The following DNAH14 variants were observed in gnomAD, a reference collection of about 807,000 sequenced individuals.
DNAH14 encodes axonemal beta dynein heavy chain 14.
A neutral mutation model predicts 520.9 loss-of-function variants in DNAH14; 478 were observed. That is an observed-to-expected ratio of 0.92 (90% CI 0.85 to 0.99). The LOEUF is 0.99. Ranked by LOEUF, DNAH14 falls within the 50% of genes least tolerant of loss-of-function variation. The probability of loss-of-function intolerance (pLI) is 0.00; values close to 1 mark genes in which losing one functional copy is unlikely to be tolerated. For synonymous variants in DNAH14, 1,581 were observed against 1,757.2 expected, an observed-to-expected ratio of 0.90 and a Z score of 2.51; for missense variants, 4,831 against 5,234.5, an observed-to-expected ratio of 0.92 and a Z score of 2.38.
At chr1:225,078,804 CTCTCTCTCTCTCTCTCTCT>C (rs756436464) in intron 17 of DNAH14, among the ~76,000 whole-genome samples, 11,740 of 57,628 alleles carry the variant, frequency 0.2, 1,875 homozygotes, top group South Asian at 0.31. Context: ...CTCTCTCTCT[CTCTCTCTCTCTCTCTCTCT>C]CCCTCTCTCT....
intron 47 of DNAH14, 55 bp downstream of exon 47, chr1:225,264,316 A>G (rs898399118): frequency 3.1e-6 from 4 of 1,296,290 alleles, no homozygotes; most frequent in Non-Finnish European, 3.2e-6. Flanking sequence ...CTTCACAACC[A>G]TGTGTATATT....
At chr1:225,310,384 C>T (rs12405955) in intron 60 of DNAH14, among the ~76,000 whole-genome samples, 5,337 of 152,218 alleles carry the variant, frequency 0.035, 132 homozygotes, top group Non-Finnish European at 0.05. Context: ...ATTTTTAAAG[C>T]TGACAATTAT....
chr1:225,230,871 A>C (rs2091040106), intron 41 of DNAH14, among the ~76,000 whole-genome samples: 1 of 152,194 alleles, frequency 6.6e-6, no homozygotes. Context: ...AATAAAAATC[A>C]GTTCTGACAA....
Position 225,079,207 on chromosome 1 carries a change from G to C in DNAH14, c.2425G>C (p.Val809Leu). 1 of 1,537,536 alleles carries C rather than the reference G, an allele frequency of 6.5e-7. No homozygotes were observed. The highest frequency in any genetic ancestry group is 8.7e-7 in the Non-Finnish European group (1 of 1,143,420). The stretch of plus-strand genomic sequence containing the variant: ...ATTATAATTGACATGTTGATTTCAG[G>C]TTGTGGAATCATCATTGCAGCAGCT... ...IEKKNKNLLEVVESSLQQLEC... is the reference protein window; with the variant it reads ...IEKKNKNLLELVESSLQQLEC... The change falls in exon 18 of 86, where the codon GTT (valine) becomes CTT (leucine). Residue 809 changes from valine to leucine, a missense_variant and splice_region_variant. Physicochemically the swap from Val to Leu is conservative, Grantham distance 32. Coordinates refer to ENST00000682510, the MANE Select transcript of DNAH14 (RefSeq NM_001367479.1).
chr1:224,956,547 A>G (rs1215572399), intron 3 of DNAH14, among the ~76,000 whole-genome samples: 1 of 152,038 alleles, frequency 6.6e-6, no homozygotes, highest in African/African-American at 2.4e-5. Context: ...CGTACCACCT[A>G]GGTTTGTGTA....
chr1:225,210,021 C>G (rs1437127033), intron 41 of DNAH14, among the ~76,000 whole-genome samples: 1 of 152,126 alleles, frequency 6.6e-6, no homozygotes, highest in Non-Finnish European at 1.5e-5. Context: ...AGGAGATTCC[C>G]TTGGGTGCCT....
At chr1:225,359,399 A>G (rs1181158488) in intron 74 of DNAH14, among the ~76,000 whole-genome samples, 1 of 152,186 alleles carries the variant, frequency 6.6e-6, no homozygotes, top group African/African-American at 2.4e-5. Context: ...TAAACTATCA[A>G]AAATTGTCCC....
rs145998641 is a variant in DNAH14 at position 225,227,792 on chromosome 1, G to A, written c.6440-3281G>A. On this transcript the variant is annotated intron_variant, in intron 41 of 85. Transcript: ENST00000682510. ...CTTAACACCTGGCATGGGACATATC[G>A]TAATTCCAGTAACAATTATATTACG... 1.3e-3 allele frequency among the ~76,000 whole-genome samples: 195 copies of A among 152,190 alleles called. 1 individual carries two copies. The highest frequency in any genetic ancestry group is 0.01 in the Middle Eastern group (3 of 294).
chr1:225,265,172 G>A lies in DNAH14; in HGVS notation c.7223-10G>A, dbSNP rs756794239. 2 of 1,436,482 alleles carry A rather than the reference G, an allele frequency of 1.4e-6. No homozygotes were observed. Among genetic ancestry groups the A allele is most frequent in the South Asian group, 3.1e-5 (2 of 63,898 alleles). 89.0% of individuals were successfully genotyped at this position (1,436,482 alleles called of 1,614,324 possible). A position where few individuals can be genotyped will look rare whatever the true frequency, so the allele number is the denominator to read the frequency against. On this transcript the variant is annotated splice_polypyrimidine_tract_variant and intron_variant, in intron 47 of 85. Coordinates refer to ENST00000682510, the MANE Select transcript of DNAH14 (RefSeq NM_001367479.1). Reference sequence around the variant, plus strand: ...AAATTTGTTTTTTCTTTCTATGTTTGGCATCACAGATAATCCCACTAAAAA... The same window carrying A: ...AAATTTGTTTTTTCTTTCTATGTTTAGCATCACAGATAATCCCACTAAAAA...
At chr1:225,152,562 C>A (rs2080600974) in intron 32 of DNAH14, 135 bp from the exon 33 acceptor site, 1 of 855,920 alleles carries the variant, frequency 1.2e-6, no homozygotes, top group Non-Finnish European at 1.7e-6. Context: ...ACAATAAAAA[C>A]TATCTTGTAA....
intron 43 of DNAH14, among the ~76,000 whole-genome samples, chr1:225,244,698 TC>T (rs1377981975): frequency 6.6e-6 from 1 of 152,178 alleles, no homozygotes; most frequent in Non-Finnish European, 1.5e-5. Flanking sequence ...AGTGGTGATA[TC>T]CCCTTCATCA....
chr1:224,977,542 G>T lies in DNAH14; in HGVS notation c.830+3389G>T, dbSNP rs186390474. On this transcript the variant is annotated intron_variant, in intron 8 of 85. Coordinates refer to ENST00000682510, the MANE Select transcript of DNAH14 (RefSeq NM_001367479.1). ...TAAATAACAATAAATCAAGAGGAGGGAAGGAAACTTTTGGAGGTGACAGTT... is the reference window on the plus strand; with the variant it reads ...TAAATAACAATAAATCAAGAGGAGGTAAGGAAACTTTTGGAGGTGACAGTT... Among the ~76,000 whole-genome samples, 1,153 of 152,198 alleles carry T rather than the reference G, an allele frequency of 7.6e-3. 4 individuals are homozygous for T. Among genetic ancestry groups the T allele is most frequent in the Non-Finnish European group, 0.013 (863 of 67,996 alleles).
At chr1:225,039,579 G>GT (rs2067261689) in intron 12 of DNAH14, among the ~76,000 whole-genome samples, 2 of 145,962 alleles carry the variant, frequency 1.4e-5, no homozygotes, top group African/African-American at 5.1e-5. Context: ...ATTCTCTTTA[G>GT]TATGAAAAAA....
At chr1:224,963,516 T>C (rs181185629) in intron 4 of DNAH14, among the ~76,000 whole-genome samples, 1 of 152,260 alleles carries the variant, frequency 6.6e-6, no homozygotes, top group East Asian at 1.9e-4. Context: ...ATCGCTCTGT[T>C]GATTTGAATT....
At chr1:225,261,094 A>G (rs1204349546) in intron 46 of DNAH14, among the ~76,000 whole-genome samples, 1 of 152,144 alleles carries the variant, frequency 6.6e-6, no homozygotes. Flanking sequence ...CAAGCGGACA[A>G]TTTCACCTCT....
intron 34 of DNAH14, among the ~76,000 whole-genome samples, chr1:225,156,579 A>G (rs1000366703): frequency 2.0e-5 from 3 of 152,142 alleles, no homozygotes; most frequent in South Asian, 2.1e-4. Context: ...CTTGGACACA[A>G]TGACTCAAAG....
At position 225,389,798 on chromosome 1, in the gene DNAH14, C is replaced by T. The variant is rs1248023325; in HGVS notation, c.13255C>T (p.Pro4419Ser). 9.7e-6 allele frequency: 15 copies of T among 1,551,998 alleles called. No homozygotes were observed. Among genetic ancestry groups the T allele is most frequent in the African/African-American group, 1.4e-5 (1 of 73,156 alleles). The change falls in exon 83 of 86, where the codon CCT (proline) becomes TCT (serine). Residue 4419 changes from proline to serine, a missense_variant. By Grantham distance (74) the Pro-to-Ser change is moderately conservative (BLOSUM62 -1). Transcript: ENST00000682510. ...ATCAACTAGCCAAAAATGCAAACACCCTGAGGATTCAGAGAACAATTTCTT... is the reference window on the plus strand; with the variant it reads ...ATCAACTAGCCAAAAATGCAAACACTCTGAGGATTCAGAGAACAATTTCTT... ...IPSTSQKCKH[P>S]EDSENNFFEG...
chr1:225,052,270 CCA>C (rs942397875), intron 17 of DNAH14, among the ~76,000 whole-genome samples: 2 of 152,054 alleles, frequency 1.3e-5, no homozygotes, highest in African/African-American at 4.8e-5. Flanking sequence ...TCCTCTGGGA[CCA>C]CAGTGGTTTG....
chr1:225,288,558 T>A (rs1317479811), intron 54 of DNAH14, among the ~76,000 whole-genome samples: 1 of 152,136 alleles, frequency 6.6e-6, no homozygotes, highest in Non-Finnish European at 1.5e-5. Context: ...TAGGGGAAAT[T>A]GGATGTGGAT....
Sources: gnomAD v4.1 joint callset for allele counts (sites outside exome capture counted in the v4.1 genomes callset) on GRCh38, gnomAD v4.1.1 for gene constraint, MANE v1.5 for transcripts, NCBI Gene and HGNC (gene_info 2026-07-23, HGNC 2026-07-21) for gene names.